The following KITLG variants were observed in gnomAD, a reference collection of about 807,000 sequenced individuals.
KITLG encodes KIT ligand, also known as c-Kit ligand.
Under a neutral mutation model 34.1 loss-of-function variants are expected in KITLG, and 13 were observed. The observed-to-expected ratio is 0.38, with a 90% CI of 0.25 to 0.61. The LOEUF (loss-of-function observed/expected upper bound fraction) is 0.61. Ranked by LOEUF, KITLG falls within the 20% of genes least tolerant of loss-of-function variation. KITLG has a pLI of 0.60. For missense variants in KITLG, 292 were observed against 318.9 expected, an observed-to-expected ratio of 0.92 and a Z score of 0.64; for synonymous variants, 110 against 104.0, an observed-to-expected ratio of 1.06 and a Z score of -0.35.
intron 4 of KITLG, among the ~76,000 whole-genome samples, chr12:88,517,542 G>A (rs1869501783): frequency 6.6e-6 from 1 of 152,122 alleles, no homozygotes; most frequent in South Asian, 2.1e-4. Flanking sequence ...CATCACCATT[G>A]ACCTAACTCA....
chr12:88,496,419 C>A lies in KITLG; in HGVS notation c.*800G>T, dbSNP rs915050725. On this transcript the variant is annotated 3_prime_UTR_variant, in exon 10 of 10. Coordinates refer to ENST00000644744, the MANE Select transcript of KITLG (RefSeq NM_000899.5). ...TATAGTGGTCAAGGGAAAAGGCGGA[C>A]TTTCCCAGGATGCCAATGTCCTTCT... 2 of 152,184 alleles carry A rather than the reference C, an allele frequency of 1.3e-5. No homozygotes were observed. The highest frequency in any genetic ancestry group is 4.8e-5 in the African/African-American group (2 of 41,452). The allele number at this position is 152,184 out of a possible 1,614,324, so 9.4% of individuals were successfully genotyped here.
chr12:88,501,447 G>T (rs957240312), intron 9 of KITLG, among the ~76,000 whole-genome samples: 17 of 152,086 alleles, frequency 1.1e-4, no homozygotes, highest in Non-Finnish European at 2.1e-4. Context: ...TTTTACTACG[G>T]TTATTCTTAT....
intron 1 of KITLG, among the ~76,000 whole-genome samples, chr12:88,578,167 CCCT>C (rs1871893170): frequency 1.3e-5 from 2 of 151,330 alleles, no homozygotes; most frequent in Non-Finnish European, 2.9e-5. Context: ...AGATCTAATC[CCCT>C]CCTCCATTTC....
At chr12:88,564,908 A>G (rs945757319) in intron 1 of KITLG, among the ~76,000 whole-genome samples, 28 of 152,224 alleles carry the variant, frequency 1.8e-4, no homozygotes, top group African/African-American at 6.3e-4. Context: ...AAGCAGTAGT[A>G]TTACTGCCTT....
chr12:88,545,105 G>A (rs1481452848), intron 2 of KITLG, among the ~76,000 whole-genome samples: 1 of 152,186 alleles, frequency 6.6e-6, no homozygotes, highest in Non-Finnish European at 1.5e-5. Context: ...TGCCCACTCT[G>A]TGGCTTGATC....
At chr12:88,521,501 ACT>A (rs1307849040) in intron 3 of KITLG, among the ~76,000 whole-genome samples, 5 of 152,114 alleles carry the variant, frequency 3.3e-5, no homozygotes, top group Non-Finnish European at 7.4e-5. Flanking sequence ...TGATATTATC[ACT>A]GTTTCTTATT....
At chr12:88,569,239 A>G (rs1257674466) in intron 1 of KITLG, among the ~76,000 whole-genome samples, 1 of 152,194 alleles carries the variant, frequency 6.6e-6, no homozygotes. Flanking sequence ...TCTTGGGCAC[A>G]TGATAGAAAG....
intron 6 of KITLG, among the ~76,000 whole-genome samples, chr12:88,513,468 A>C (rs1296081748): frequency 6.6e-6 from 1 of 151,818 alleles, no homozygotes; most frequent in East Asian, 1.9e-4. Context: ...AAGCACTCTA[A>C]TTAACAATCA....
chr12:88,549,719 G>C (rs1388785048), intron 1 of KITLG, among the ~76,000 whole-genome samples: 1 of 152,122 alleles, frequency 6.6e-6, no homozygotes, highest in African/African-American at 2.4e-5. Context: ...AGGGAAACTT[G>C]GGGTGCAGAT....
chr12:88,572,270 C>T (rs1871675078), intron 1 of KITLG, among the ~76,000 whole-genome samples: 1 of 151,752 alleles, frequency 6.6e-6, no homozygotes, highest in African/African-American at 2.4e-5. Flanking sequence ...TAGAACAGGT[C>T]CTGACATTGT....
intron 5 of KITLG, 104 bp from the exon 6 acceptor site, chr12:88,515,721 T>A: frequency 2.5e-6 from 2 of 793,274 alleles, no homozygotes; most frequent in Admixed American, 3.8e-5. Flanking sequence ...CAGGTCTGCT[T>A]CCCAAATCTA....
intron 3 of KITLG, among the ~76,000 whole-genome samples, chr12:88,527,869 C>T (rs1869935920): frequency 6.6e-6 from 1 of 152,142 alleles, no homozygotes; most frequent in East Asian, 1.9e-4. Context: ...CAAAGAGAAA[C>T]ACTTTTCTTA....
At chr12:88,534,541 A>T in intron 2 of KITLG, 1 of 375,144 alleles carries the variant, frequency 2.7e-6, no homozygotes, top group Non-Finnish European at 5.1e-6. Context: ...TAATTTTTGT[A>T]TTTTTAGCAG....
chr12:88,514,437 G>A (rs1031709574), intron 6 of KITLG, among the ~76,000 whole-genome samples: 1 of 151,534 alleles, frequency 6.6e-6, no homozygotes, highest in Admixed American at 6.6e-5. Context: ...CACAAACAGG[G>A]CTCTAGTCCC....
chr12:88,555,866 A>G (rs908272233), intron 1 of KITLG, among the ~76,000 whole-genome samples: 5 of 152,192 alleles, frequency 3.3e-5, no homozygotes, highest in Non-Finnish European at 7.3e-5. Context: ...AGACAGAAAG[A>G]CTATGATCAC....
chr12:88,551,866 G>T (rs1279687248), intron 1 of KITLG, among the ~76,000 whole-genome samples: 1 of 152,152 alleles, frequency 6.6e-6, no homozygotes, highest in Non-Finnish European at 1.5e-5. Flanking sequence ...GACTATCCTA[G>T]ATTCCCTGGG....
In KITLG at chr12:88,545,755, T is replaced by C. The variant is rs760013402; in HGVS notation, c.126A>G (p.Lys42=). Residue 42 remains lysine (K), a synonymous_variant, in exon 2 of 10, where the codon AAA becomes AAG. Transcript: ENST00000644744. ...CGGTAAAGCATTCCTTACTTACCAA[T>C]TTAGTGACGTCTTTTACATTATTAG... ...RVTNNVKDVT[K]LVANLPKDYM... The C allele has an allele frequency of 1.3e-6, 2 of 1,564,056 alleles. No individual in the cohort carries two copies. The highest frequency in any genetic ancestry group is 2.2e-5 in the South Asian group (2 of 89,912).
At chr12:88,576,016 T>C (rs988582302) in intron 1 of KITLG, among the ~76,000 whole-genome samples, 3 of 151,986 alleles carry the variant, frequency 2.0e-5, no homozygotes, top group Non-Finnish European at 4.4e-5. Context: ...GCGAGAACAT[T>C]AGGGATGGGA....
intron 1 of KITLG, among the ~76,000 whole-genome samples, chr12:88,567,828 T>C (rs1381896548): frequency 6.6e-6 from 1 of 152,170 alleles, no homozygotes; most frequent in Admixed American, 6.6e-5. Flanking sequence ...TAAACCTCAT[T>C]TTACAAGTGA....
Sources: gnomAD v4.1 joint callset for allele counts (sites outside exome capture counted in the v4.1 genomes callset) on GRCh38, gnomAD v4.1.1 for gene constraint, MANE v1.5 for transcripts, NCBI Gene and HGNC (gene_info 2026-07-23, HGNC 2026-07-21) for gene names.